The following SLCO3A1 variants were observed in gnomAD, a reference collection of about 807,000 sequenced individuals.
SLCO3A1 encodes the protein solute carrier organic anion transporter family member 3A1.
SLCO3A1 carries 27 observed loss-of-function variants against 63.1 expected under a neutral mutation model. That is an observed-to-expected ratio of 0.43 (90% confidence interval 0.32 to 0.59). The LOEUF (loss-of-function observed/expected upper bound fraction) is 0.59, where lower values mean the gene tolerates loss of function less well. SLCO3A1 is among the 20% of genes least tolerant of loss of function. The probability of loss-of-function intolerance (pLI) is 0.09; values close to 1 mark genes in which losing one functional copy is unlikely to be tolerated. For synonymous variants in SLCO3A1, 473 were observed against 409.9 expected, an observed-to-expected ratio of 1.15 and a Z score of -1.86; for missense variants, 773 against 945.8, an observed-to-expected ratio of 0.82 and a Z score of 2.40.
intron 7 of SLCO3A1, among the ~76,000 whole-genome samples, chr15:92,145,774 C>G (rs1596143671): frequency 6.6e-6 from 1 of 152,208 alleles, no homozygotes; most frequent in African/African-American, 2.4e-5. Context: ...ACAAAGGCAC[C>G]TGCTCTGGGC....
intron 2 of SLCO3A1, among the ~76,000 whole-genome samples, chr15:91,937,527 G>T (rs1899456763): frequency 6.6e-6 from 1 of 152,204 alleles, no homozygotes; most frequent in Admixed American, 6.5e-5. Context: ...AGACCAGCCT[G>T]GCCAACATAG....
At chr15:91,960,215 C>G (rs1425030560) in intron 2 of SLCO3A1, among the ~76,000 whole-genome samples, 1 of 152,178 alleles carries the variant, frequency 6.6e-6, no homozygotes, top group Non-Finnish European at 1.5e-5. Context: ...GATCTCCTGA[C>G]CTCGTGATCT....
chr15:92,171,651 T>C (rs1417271674), intron 10 of SLCO3A1: 1 of 684,466 alleles, frequency 1.5e-6, no homozygotes, highest in Admixed American at 2.4e-5. Flanking sequence ...CTTTATTGCT[T>C]TGACTGCCTA....
At chr15:91,981,235 C>T (rs2045980320) in intron 2 of SLCO3A1, among the ~76,000 whole-genome samples, 2 of 152,176 alleles carry the variant, frequency 1.3e-5, no homozygotes, top group South Asian at 2.1e-4. Context: ...CTTGCTCTGC[C>T]AGCCAGGGGC....
intron 2 of SLCO3A1, among the ~76,000 whole-genome samples, chr15:92,050,432 G>A (rs1195185046): frequency 1.3e-5 from 2 of 152,198 alleles, no homozygotes; most frequent in African/African-American, 4.8e-5. Flanking sequence ...CAGAGTCCCT[G>A]CACACGGAGG....
intron 7 of SLCO3A1, among the ~76,000 whole-genome samples, chr15:92,129,388 A>G (rs1418670839): frequency 6.6e-6 from 1 of 150,660 alleles, no homozygotes; most frequent in Non-Finnish European, 1.5e-5. Flanking sequence ...CTTTTCATAC[A>G]CCTCCCTCCA....
intron 2 of SLCO3A1, among the ~76,000 whole-genome samples, chr15:92,061,100 C>T (rs1208587385): frequency 1.3e-5 from 2 of 152,190 alleles, no homozygotes; most frequent in Non-Finnish European, 2.9e-5. Flanking sequence ...TATACGTGTT[C>T]GGTGAGTAAG....
In SLCO3A1 at chr15:91,968,284, A is replaced by T. The variant is rs540722530; in HGVS notation, c.646+51826A>T. ...CTTCTCCACCTGGGGAAAACAGCAG[A>T]TGGAGGAGAGGAAAGAGAAGTTTAG... On this transcript the variant is annotated intron_variant, in intron 2 of 9. Coordinates refer to ENST00000318445, the MANE Select transcript of SLCO3A1 (RefSeq NM_013272.4). The surrounding 1 kb of genome is among the most constrained non-coding windows in gnomAD (Gnocchi z 4.2). Among the ~76,000 whole-genome samples, 1 of 152,084 alleles carries T rather than the reference A, an allele frequency of 6.6e-6. No homozygotes were observed. The highest frequency in any genetic ancestry group is 1.9e-4 in the East Asian group (1 of 5,164).
rs183134665 is a variant in SLCO3A1 at position 91,863,036 on chromosome 15, C to G, written c.180+8948C>G. Among the ~76,000 whole-genome samples, 1,326 of 152,272 alleles carry G rather than the reference C, an allele frequency of 8.7e-3. 10 individuals carry two copies. The highest frequency in any genetic ancestry group is 0.012 in the Non-Finnish European group (830 of 68,008). On this transcript the variant is annotated intron_variant, in intron 1 of 9. Transcript: ENST00000318445. This position sits in a 1 kb window ranked among gnomAD's most constrained non-coding sequence, Gnocchi z 4.3. ...AGCTGCCCTCAGCTGATTATATAAGCTATAAAATACAGCACCTAAAGTCTT... is the reference window on the plus strand; with the variant it reads ...AGCTGCCCTCAGCTGATTATATAAGGTATAAAATACAGCACCTAAAGTCTT...
chr15:92,150,890 TAATTACAGGGGAATGATAA>T, intron 8 of SLCO3A1, 41 bp from the exon 9 acceptor site: 6 of 1,268,818 alleles, frequency 4.7e-6, no homozygotes, highest in Admixed American at 1.9e-5. Flanking sequence ...TGGGGTCTGT[TAATTACAGGGGAATGATAA>T]AAATCTGGTT....
intron 9 of SLCO3A1, among the ~76,000 whole-genome samples, chr15:92,158,894 A>G (rs1432682144): frequency 2.0e-5 from 3 of 152,368 alleles, no homozygotes; most frequent in Non-Finnish European, 2.9e-5. Flanking sequence ...AAGAAAGCCA[A>G]TATTTTCACT....
intron 2 of SLCO3A1, among the ~76,000 whole-genome samples, chr15:91,944,019 C>T (rs775197113): frequency 4.6e-5 from 7 of 152,156 alleles, no homozygotes; most frequent in Non-Finnish European, 7.4e-5. Context: ...AACTTTTGAG[C>T]GTGCCATTTG....
At chr15:92,076,636 C>T (rs2047280512) in intron 2 of SLCO3A1, among the ~76,000 whole-genome samples, 1 of 152,180 alleles carries the variant, frequency 6.6e-6, no homozygotes, top group South Asian at 2.1e-4. Flanking sequence ...CACTCTGGTG[C>T]TCACGGGCCT....
intron 1 of SLCO3A1, among the ~76,000 whole-genome samples, chr15:91,864,291 T>C (rs28639605): frequency 0.099 from 15,134 of 152,180 alleles, 1,809 homozygotes; most frequent in African/African-American, 0.29. Flanking sequence ...AATTGAGGCA[T>C]TTACCCAAAT....
Position 91,968,300 on chromosome 15 carries a change from A to G in SLCO3A1, c.646+51842A>G, listed in dbSNP as rs1397566975. 3.3e-5 allele frequency among the ~76,000 whole-genome samples: 5 copies of G among 152,104 alleles called. No individual in the cohort carries two copies. ...AAACAGCAGATGGAGGAGAGGAAAG[A>G]GAAGTTTAGCTGGCATCATTAAAAT... On this transcript the variant is annotated intron_variant, in intron 2 of 9. Transcript: ENST00000318445. The surrounding 1 kb of genome is among the most constrained non-coding windows in gnomAD (Gnocchi z 4.2).
chr15:91,949,553 C>A (rs1196094663), intron 2 of SLCO3A1, among the ~76,000 whole-genome samples: 1 of 152,128 alleles, frequency 6.6e-6, no homozygotes, highest in Non-Finnish European at 1.5e-5. Context: ...ACACTTCAAC[C>A]CGGGAGGTGG....
At chr15:92,090,084 C>G (rs1285438208) in intron 2 of SLCO3A1, among the ~76,000 whole-genome samples, 1 of 152,086 alleles carries the variant, frequency 6.6e-6, no homozygotes, top group Non-Finnish European at 1.5e-5. Flanking sequence ...GGATGTGTGT[C>G]CCTGTTGGCA....
At position 92,163,155 on chromosome 15, in the gene SLCO3A1, C is replaced by G. The variant is rs763991839; in HGVS notation, c.*20C>G. The G allele has an allele frequency of 4.7e-6, 7 of 1,493,104 alleles. No individual in the cohort carries two copies. Among genetic ancestry groups the G allele is most frequent in the Non-Finnish European group, 6.2e-6 (7 of 1,124,352 alleles). The allele number at this position is 1,493,104 out of a possible 1,614,324, so 92.5% of individuals were successfully genotyped here. On this transcript the variant is annotated 3_prime_UTR_variant, in exon 10 of 10. Transcript: ENST00000318445. Reference sequence around the variant, plus strand: ...TTATAGTGACTAAAGGAGGGCTGAACTCTGTATTAGTAATCCAAGGGTCAT... The same window carrying G: ...TTATAGTGACTAAAGGAGGGCTGAAGTCTGTATTAGTAATCCAAGGGTCAT...
At position 91,882,260 on chromosome 15, in the gene SLCO3A1, C is replaced by T. The variant is rs570251653; in HGVS notation, c.180+28172C>T. On this transcript the variant is annotated intron_variant, in intron 1 of 9. Transcript: ENST00000318445. This position sits in a 1 kb window ranked among gnomAD's most constrained non-coding sequence, Gnocchi z 4.4. ...GATGGGAAGTTTATGTCTCCCTTCT[C>T]AAGCACGCAGTCAGGATGTGCATTT... 6.6e-6 allele frequency among the ~76,000 whole-genome samples: 1 copy of T among 152,278 alleles called. No homozygotes were observed. Among genetic ancestry groups the T allele is most frequent in the South Asian group, 2.1e-4 (1 of 4,818 alleles).
Sources: allele counts gnomAD v4.1 joint callset (sites outside exome capture counted in the v4.1 genomes callset), GRCh38; gene constraint gnomAD v4.1.1; non-coding constraint Gnocchi (gnomAD v3.1); transcripts MANE v1.5; gene names NCBI Gene and HGNC (gene_info 2026-07-23, HGNC 2026-07-21).